The following SLC1A1 variants were observed in gnomAD, a reference collection of about 807,000 sequenced individuals.
The protein encoded by SLC1A1 is excitatory amino acid transporter 3.
Under a neutral mutation model 53.3 loss-of-function variants are expected in SLC1A1, and 43 were observed. That is an observed-to-expected ratio of 0.81 (90% CI 0.63 to 1.04). SLC1A1 has a LOEUF of 1.04. Among genes scored for constraint, SLC1A1 ranks in the 50% least tolerant of loss-of-function variants. The pLI, the probability that SLC1A1 is intolerant of heterozygous loss-of-function variation, is 0.00. For missense variants in SLC1A1, 748 were observed against 664.9 expected (o/e 1.12, Z -1.37); for synonymous variants, 307 against 243.2 (o/e 1.26, Z -2.44).
intron 2 of SLC1A1, among the ~76,000 whole-genome samples, chr9:4,545,541 A>C (rs1240414611): frequency 6.6e-6 from 1 of 152,216 alleles, no homozygotes; most frequent in African/African-American, 2.4e-5. Context: ...TGCTGCCCCC[A>C]GCCTCTCAGC....
rs12682807 is a variant in SLC1A1 at position 4,574,022 on chromosome 9, A to G, written c.875+8A>G. On this transcript the variant is annotated splice_region_variant and intron_variant, in intron 8 of 11. Transcript: ENST00000262352. The stretch of plus-strand genomic sequence containing the variant: ...GGCCACAGTCCTGACTGGGTATGTC[A>G]GACTCAAGAGAAGAGACAGAAACCT... 1.9e-6 allele frequency: 3 copies of G among 1,566,694 alleles called. No homozygotes were observed. The highest frequency in any genetic ancestry group is 2.6e-6 in the Non-Finnish European group (3 of 1,136,896).
At chr9:4,505,418 G>A (rs1239195223) in intron 1 of SLC1A1, among the ~76,000 whole-genome samples, 1 of 152,076 alleles carries the variant, frequency 6.6e-6, no homozygotes, top group Non-Finnish European at 1.5e-5. Flanking sequence ...TCACAGAACA[G>A]TTTGTCCTGA....
chr9:4,584,673 G>T (rs1228980232), intron 11 of SLC1A1, among the ~76,000 whole-genome samples: 1 of 152,196 alleles, frequency 6.6e-6, no homozygotes. Context: ...TTCTCTACCT[G>T]TCTTCCTGCC....
chr9:4,559,766 A>C (rs1209193987), intron 2 of SLC1A1: 1 of 152,186 alleles, frequency 6.6e-6, no homozygotes, highest in Admixed American at 6.5e-5. Flanking sequence ...CTTTGACTCA[A>C]AATATGACCC....
chr9:4,538,631 CTATAA>C (rs1302433394), intron 1 of SLC1A1, among the ~76,000 whole-genome samples: 2 of 152,068 alleles, frequency 1.3e-5, no homozygotes, highest in African/African-American at 2.4e-5. Context: ...GGCAGAGCTG[CTATAA>C]TATATTGCCA....
At chr9:4,542,288 G>A (rs915469019) in intron 1 of SLC1A1, among the ~76,000 whole-genome samples, 3 of 152,194 alleles carry the variant, frequency 2.0e-5, no homozygotes, top group Non-Finnish European at 2.9e-5. Flanking sequence ...GCCAAATACA[G>A]TAACCTACTT....
intron 1 of SLC1A1, among the ~76,000 whole-genome samples, chr9:4,501,620 C>G (rs1051179408): frequency 1.3e-5 from 2 of 151,508 alleles, no homozygotes; most frequent in Admixed American, 1.3e-4. Context: ...CAAAATTAGC[C>G]AGGTATGGTG....
intron 1 of SLC1A1, among the ~76,000 whole-genome samples, chr9:4,515,131 G>A (rs1183220401): frequency 2.0e-5 from 3 of 151,764 alleles, no homozygotes; most frequent in Non-Finnish European, 4.4e-5. Context: ...AAGGCAGCTG[G>A]ACTTCTTACA....
In SLC1A1 at chr9:4,585,435, C is replaced by G; in HGVS notation, c.1452C>G (p.Pro484=). The G allele has an allele frequency of 6.2e-7, 1 of 1,614,232 alleles. No individual in the cohort carries two copies. Among genetic ancestry groups the G allele is most frequent in the Non-Finnish European group, 8.5e-7 (1 of 1,180,050 alleles). The change falls in exon 12 of 12, where the codon CCC becomes CCG. Residue 484 remains proline (P), a synonymous_variant. Coordinates refer to ENST00000262352, the MANE Select transcript of SLC1A1 (RefSeq NM_004170.6). ...CATCTGAAGTCAACATTGTGAATCC[C>G]TTTGCCTTGGAATCCACAATCCTTG... ...DVSSEVNIVN[P]FALESTILDN... is the part of the protein sequence containing the mutation.
Position 4,549,083 on chromosome 9 carries a change from C to T in SLC1A1, c.232+4376C>T, listed in dbSNP as rs1817716532. Among the ~76,000 whole-genome samples, 1 of 152,210 alleles carries T rather than the reference C, an allele frequency of 6.6e-6. No homozygotes were observed. Among genetic ancestry groups the T allele is most frequent in the Admixed American group, 6.5e-5 (1 of 15,284 alleles). On this transcript the variant is annotated intron_variant, in intron 2 of 11. Transcript: ENST00000262352. This position sits in a 1 kb window ranked among gnomAD's most constrained non-coding sequence, Gnocchi z 4.1. ...TCAGGTCACATTTTCTTTACTACTT[C>T]CCAAAATTAAACTATGATGATTGGA...
At chr9:4,538,287 C>T (rs776501060) in intron 1 of SLC1A1, among the ~76,000 whole-genome samples, 7 of 152,108 alleles carry the variant, frequency 4.6e-5, no homozygotes, top group African/African-American at 1.7e-4. Context: ...CCAGAAAAGG[C>T]GTGACAACTT....
At chr9:4,540,239 G>T (rs751778024) in intron 1 of SLC1A1, among the ~76,000 whole-genome samples, 11 of 151,956 alleles carry the variant, frequency 7.2e-5, no homozygotes, top group African/African-American at 1.9e-4. Flanking sequence ...AGATTATCCC[G>T]CTCCATCCCC....
chr9:4,541,479 G>C (rs1336315071), intron 1 of SLC1A1, among the ~76,000 whole-genome samples: 1 of 152,134 alleles, frequency 6.6e-6, no homozygotes, highest in Non-Finnish European at 1.5e-5. Context: ...TTCCATCCTA[G>C]TTAGTGTGAT....
intron 2 of SLC1A1, among the ~76,000 whole-genome samples, chr9:4,546,253 G>A (rs916798427): frequency 1.3e-5 from 2 of 152,154 alleles, no homozygotes; most frequent in Non-Finnish European, 2.9e-5. Flanking sequence ...TTATTTTTAT[G>A]AATGTATTTA....
At chr9:4,497,183 T>C (rs576220946) in intron 1 of SLC1A1, among the ~76,000 whole-genome samples, 2 of 152,250 alleles carry the variant, frequency 1.3e-5, no homozygotes, top group East Asian at 3.9e-4. Flanking sequence ...CCAAGAACTG[T>C]TCTGAGTGCT....
chr9:4,490,831 C>A, intron 1 of SLC1A1, 61 bp downstream of exon 1: 2 of 1,429,888 alleles, frequency 1.4e-6, no homozygotes, highest in Non-Finnish European at 2.0e-6. Flanking sequence ...GCCCAGGCCG[C>A]GTGCGGCTGA....
intron 1 of SLC1A1, among the ~76,000 whole-genome samples, chr9:4,537,212 T>G (rs1033137404): frequency 1.1e-4 from 17 of 152,026 alleles, no homozygotes; most frequent in African/African-American, 4.1e-4. Flanking sequence ...ATGAAGATGT[T>G]TAATGTGGGG....
chr9:4,583,037 G>A lies in SLC1A1; in HGVS notation c.1194-1G>A. On this transcript the variant is annotated splice_acceptor_variant, in intron 10 of 11. Coordinates refer to ENST00000262352, the MANE Select transcript of SLC1A1 (RefSeq NM_004170.6). LOFTEE classifies it high-confidence loss of function. This position sits in a 1 kb window ranked among gnomAD's most constrained non-coding sequence, Gnocchi z 4.6. Reference sequence around the variant, plus strand: ...CCTTTCCTGCTGGTATGTTTCTGCAGTATCACGGCCACATCTGCCAGCATC... The same window carrying A: ...CCTTTCCTGCTGGTATGTTTCTGCAATATCACGGCCACATCTGCCAGCATC... 3 of 1,614,250 alleles carry A rather than the reference G, an allele frequency of 1.9e-6. No individual in the cohort carries two copies. The highest frequency in any genetic ancestry group is 2.5e-6 in the Non-Finnish European group (3 of 1,180,034).
At chr9:4,534,049 C>T (rs1240826198) in intron 1 of SLC1A1, among the ~76,000 whole-genome samples, 8 of 152,108 alleles carry the variant, frequency 5.3e-5, no homozygotes, top group African/African-American at 9.7e-5. Context: ...CTCTGGGACA[C>T]GTTCAAAGCA....
Sources: allele counts gnomAD v4.1 joint callset (sites outside exome capture counted in the v4.1 genomes callset), GRCh38; gene constraint gnomAD v4.1.1; non-coding constraint Gnocchi (gnomAD v3.1); transcripts MANE v1.5; gene names NCBI Gene and HGNC (gene_info 2026-07-23, HGNC 2026-07-21).